The following EP400 variants were observed in gnomAD, a reference collection of about 807,000 sequenced individuals.
EP400 encodes the protein E1A binding protein p400.
In EP400, 105 loss-of-function variants were observed where a neutral mutation model predicts 354.1. The ratio of observed to expected loss-of-function variants is 0.30; its 90% CI spans 0.25 to 0.35. The LOEUF (loss-of-function observed/expected upper bound fraction) is 0.35. Among genes scored for constraint, EP400 ranks in the 10% least tolerant of loss-of-function variants. The probability of loss-of-function intolerance (pLI) is 1.00; values close to 1 mark genes in which losing one functional copy is unlikely to be tolerated. For synonymous variants in EP400, 1,646 were observed against 1,716.9 expected, an observed-to-expected ratio of 0.96 and a Z score of 1.02; for missense variants, 3,280 against 4,121.0, an observed-to-expected ratio of 0.80 and a Z score of 5.59.
chr12:131,972,174 A>G (rs1157743870), intron 2 of EP400, among the ~76,000 whole-genome samples: 1 of 151,094 alleles, frequency 6.6e-6, no homozygotes, highest in Non-Finnish European at 1.5e-5. Flanking sequence ...TTTTTTTTAA[A>G]CAGAGTCTCG....
chr12:131,983,442 T>C (rs1892749012), intron 5 of EP400, among the ~76,000 whole-genome samples: 1 of 152,230 alleles, frequency 6.6e-6, no homozygotes, highest in African/African-American at 2.4e-5. Flanking sequence ...CCAGTGTGTT[T>C]TTGGGATGTC....
chr12:132,060,727 C>T (rs535066320), intron 45 of EP400, among the ~76,000 whole-genome samples: 1 of 152,152 alleles, frequency 6.6e-6, no homozygotes, highest in East Asian at 1.9e-4. Context: ...CCAGCCTGAC[C>T]AACATGGAGA....
At chr12:132,037,840 C>T (rs895343360) in intron 31 of EP400, 47 bp downstream of exon 31, 29 of 1,607,916 alleles carry the variant, frequency 1.8e-5, no homozygotes, top group Middle Eastern at 1.6e-4. Context: ...CGCCATGCGG[C>T]GCGTGGAATC....
chr12:132,056,171 C>T (rs1371940482), intron 45 of EP400, among the ~76,000 whole-genome samples: 2 of 152,054 alleles, frequency 1.3e-5, no homozygotes, highest in Non-Finnish European at 2.9e-5. Context: ...GAATAAGGAG[C>T]TCAGATTTGT....
At position 132,017,433 on chromosome 12, in the gene EP400, T is replaced by G; in HGVS notation, c.3924-102T>G. The G allele has an allele frequency of 1.5e-6, 2 of 1,310,952 alleles. No homozygotes were observed. The highest frequency in any genetic ancestry group is 2.1e-6 in the Non-Finnish European group (2 of 944,296). 81.2% of individuals were successfully genotyped at this position (1,310,952 alleles called of 1,614,324 possible). ...CATTAAGCGGACCTAGAAAATCTGC[T>G]CCTGCCTGCCTTTCTGGAGTTGGGA... On this transcript the variant is annotated intron_variant, in intron 19 of 52. Coordinates refer to ENST00000389561, the MANE Select transcript of EP400 (RefSeq NM_015409.5). This position sits in a 1 kb window ranked among gnomAD's most constrained non-coding sequence, Gnocchi z 5.0.
chr12:131,976,451 C>T (rs770525065), intron 2 of EP400, among the ~76,000 whole-genome samples: 3 of 152,150 alleles, frequency 2.0e-5, no homozygotes, highest in Non-Finnish European at 2.9e-5. Flanking sequence ...TGGTGGCTCA[C>T]GCCTGTAATG....
chr12:132,073,459 C>CTTTTT lies in EP400; in HGVS notation c.9022-3047_9022-3043dup, dbSNP rs58724167. ...GTGCGTTTTAATTCTGTCCCTTTTC[C>CTTTTT]TTTTTTTTTTTTTTGACACAGTCTT... On this transcript the variant is annotated intron_variant, in intron 51 of 52. Coordinates refer to ENST00000389561, the MANE Select transcript of EP400 (RefSeq NM_015409.5). Among the ~76,000 whole-genome samples the CTTTTT allele has an allele frequency of 1.1e-3, 130 of 117,702 alleles. 5 individuals carry two copies. In the South Asian group the frequency reaches 0.028, roughly 25 times the overall value. 77.2% of individuals were successfully genotyped at this position (117,702 alleles called of 152,430 possible).
At chr12:132,009,244 A>G (rs555318049) in intron 15 of EP400, among the ~76,000 whole-genome samples, 5 of 151,994 alleles carry the variant, frequency 3.3e-5, no homozygotes, top group South Asian at 4.2e-4. Flanking sequence ...GAAGTAGCCT[A>G]TGCTTCTAAA....
Position 132,030,022 on chromosome 12 carries a change from A to G in EP400, c.5618A>G (p.Lys1873Arg), listed in dbSNP as rs998103268. Residue 1873 changes from lysine (K) to arginine (R), a missense_variant, in exon 29 of 53, where the codon AAA becomes AGA. Coordinates refer to ENST00000389561, the MANE Select transcript of EP400 (RefSeq NM_015409.5). ...GAAGCTTTAGCTATCTTGCTTCAGA[A>G]ATTGAAATCTGAAGGACGTCGGGTG... is the stretch of plus-strand genomic sequence containing the variant. ...KLEALAILLQ[K>R]LKSEGRRVLI... 1.2e-6 allele frequency: 2 copies of G among 1,614,102 alleles called. No individual in the cohort carries two copies. Among genetic ancestry groups the G allele is most frequent in the African/African-American group, 2.7e-5 (2 of 74,940 alleles).
At chr12:132,061,375 A>G (rs1895689096) in intron 45 of EP400, among the ~76,000 whole-genome samples, 1 of 152,240 alleles carries the variant, frequency 6.6e-6, no homozygotes, top group Admixed American at 6.5e-5. Flanking sequence ...ATGGAGTAAC[A>G]CGCTAGATTT....
Position 132,031,810 on chromosome 12 carries a change from C to T in EP400, c.5755-143C>T, listed in dbSNP as rs2136558451. On this transcript the variant is annotated intron_variant, in intron 29 of 52. Transcript: ENST00000389561. ...GACCTTGTGATCCACCCACCTCGGC[C>T]TCCCAAAGTGCTGGGATTACAGGTG... 4 of 752,834 alleles carry T rather than the reference C, an allele frequency of 5.3e-6. No individual in the cohort carries two copies. The South Asian group carries it at 5.5e-5, about 10-fold the overall frequency. The allele number at this position is 752,834 out of a possible 1,614,324, so 46.6% of individuals were successfully genotyped here.
Position 132,053,126 on chromosome 12 carries a change from C to T in EP400, c.7395-20C>T. 1 of 1,613,808 alleles carries T rather than the reference C, an allele frequency of 6.2e-7. No homozygotes were observed. The highest frequency in any genetic ancestry group is 1.1e-5 in the South Asian group (1 of 91,080). ...TTAAAACTTGCCTGTATGTTTTTAA[C>T]CTTTGCGTCTGTCTTTCAGTGGAAT... On this transcript the variant is annotated intron_variant, in intron 41 of 52. Coordinates refer to ENST00000389561, the MANE Select transcript of EP400 (RefSeq NM_015409.5).
At chr12:132,046,004 C>A in intron 39 of EP400, 104 bp downstream of exon 39, 1 of 1,413,944 alleles carries the variant, frequency 7.1e-7, no homozygotes, top group Non-Finnish European at 9.7e-7. Flanking sequence ...TGGGCTCCTT[C>A]ATCCCTGTGG....
In EP400 at chr12:132,070,196, T is replaced by C. The variant is rs1896027817; in HGVS notation, c.9021+555T>C. 6.6e-6 allele frequency among the ~76,000 whole-genome samples: 1 copy of C among 152,034 alleles called. No homozygotes were observed. Among genetic ancestry groups the C allele is most frequent in the Non-Finnish European group, 1.5e-5 (1 of 68,012 alleles). On this transcript the variant is annotated intron_variant, in intron 51 of 52. Transcript: ENST00000389561. This position sits in a 1 kb window ranked among gnomAD's most constrained non-coding sequence, Gnocchi z 4.1. ...TGGTCTTCCACCCTCCTGGAGTTGGTTTTTGGGTATGAGATAGAAACAGGA... is the reference window on the plus strand; with the variant it reads ...TGGTCTTCCACCCTCCTGGAGTTGGCTTTTGGGTATGAGATAGAAACAGGA...
chr12:132,050,569 A>G lies in EP400; in HGVS notation c.7338-30A>G, dbSNP rs372369329. On this transcript the variant is annotated intron_variant, in intron 40 of 52. Coordinates refer to ENST00000389561, the MANE Select transcript of EP400 (RefSeq NM_015409.5). This position sits in a 1 kb window ranked among gnomAD's most constrained non-coding sequence, Gnocchi z 4.8. Reference sequence around the variant, plus strand: ...CTTCTTCAGATATTTCCTTTATTTAATAATTGCTGTCTCACTGTCTATACT... The same window carrying G: ...CTTCTTCAGATATTTCCTTTATTTAGTAATTGCTGTCTCACTGTCTATACT... 3.7e-6 allele frequency: 6 copies of G among 1,613,780 alleles called. No homozygotes were observed. The African/African-American group carries it at 6.7e-5, about 18-fold the overall frequency.
chr12:132,076,476 C>G, intron 51 of EP400, 40 bp from the exon 52 acceptor site: 7 of 1,596,770 alleles, frequency 4.4e-6, no homozygotes, highest in Non-Finnish European at 3.4e-6. Context: ...TGCACATACT[C>G]CTTTGAATTG....
At chr12:132,031,383 T>C (rs372876401) in intron 29 of EP400, 11 of 519,088 alleles carry the variant, frequency 2.1e-5, no homozygotes, top group South Asian at 4.2e-5. Flanking sequence ...ACTCTAACTT[T>C]TTCCTTCTTG....
intron 24 of EP400, 28 bp downstream of exon 24, chr12:132,023,969 T>C (rs1409975533): frequency 1.3e-6 from 2 of 1,535,574 alleles, no homozygotes; most frequent in Non-Finnish European, 1.8e-6. Flanking sequence ...AGAGCACTGA[T>C]GCCAAAAATG....
Position 132,078,268 on chromosome 12 carries a change from C to G in EP400, c.*595C>G, listed in dbSNP as rs973173826. 8 of 153,766 alleles carry G rather than the reference C, an allele frequency of 5.2e-5. No homozygotes were observed. Among genetic ancestry groups the G allele is most frequent in the African/African-American group, 1.7e-4 (7 of 41,460 alleles). 9.5% of individuals were successfully genotyped at this position (153,766 alleles called of 1,614,324 possible). ...TGACTTAACTTTTAAGAGAAATGTT[C>G]TGACACCCACCTAAACACACAAGGC... On this transcript the variant is annotated 3_prime_UTR_variant, in exon 53 of 53. Coordinates refer to ENST00000389561, the MANE Select transcript of EP400 (RefSeq NM_015409.5).
Sources: allele counts gnomAD v4.1 joint callset (sites outside exome capture counted in the v4.1 genomes callset), GRCh38; gene constraint gnomAD v4.1.1; non-coding constraint Gnocchi (gnomAD v3.1); transcripts MANE v1.5; gene names NCBI Gene and HGNC (gene_info 2026-07-23, HGNC 2026-07-21).